The following ITCH variants were observed in gnomAD, a reference collection of about 807,000 sequenced individuals.
ITCH encodes the protein E3 ubiquitin-protein ligase Itchy homolog.
A neutral mutation model predicts 126.8 loss-of-function variants in ITCH; 28 were observed. The ratio of observed to expected loss-of-function variants is 0.22; its 90% CI spans 0.16 to 0.30. ITCH has a LOEUF of 0.30. Ranked by LOEUF, ITCH falls within the 10% of genes least tolerant of loss-of-function variation. The pLI is 1.00. For missense variants in ITCH, 631 were observed against 1,032.4 expected, an observed-to-expected ratio of 0.61 and a Z score of 5.33; for synonymous variants, 342 against 340.0, an observed-to-expected ratio of 1.01 and a Z score of -0.06.
intron 16 of ITCH, among the ~76,000 whole-genome samples, chr20:34,472,503 G>GA (rs1987744882): frequency 6.6e-6 from 1 of 151,910 alleles, no homozygotes; most frequent in Non-Finnish European, 1.5e-5. Context: ...AATAACTAGT[G>GA]AAAAAATGTC....
chr20:34,489,435 T>C (rs149499185), intron 21 of ITCH, 49 bp downstream of exon 21: 2 of 1,553,850 alleles, frequency 1.3e-6, no homozygotes, highest in African/African-American at 2.7e-5. Flanking sequence ...AAATAATGCC[T>C]TAAGTTGTCT....
At chr20:34,465,157 C>T (rs1184562517) in intron 14 of ITCH, among the ~76,000 whole-genome samples, 1 of 152,184 alleles carries the variant, frequency 6.6e-6, no homozygotes, top group Non-Finnish European at 1.5e-5. Flanking sequence ...AAAAGACTGT[C>T]CTTTCCCCAT....
At chr20:34,485,249 T>C (rs1441034931) in intron 20 of ITCH, among the ~76,000 whole-genome samples, 1 of 152,236 alleles carries the variant, frequency 6.6e-6, no homozygotes, top group African/African-American at 2.4e-5. Context: ...GTAAAGCTGC[T>C]ATAAACATTC....
intron 3 of ITCH, among the ~76,000 whole-genome samples, chr20:34,406,458 C>CA (rs1351950537): frequency 2.0e-5 from 3 of 151,870 alleles, no homozygotes; most frequent in Non-Finnish European, 2.9e-5. Context: ...TATGTAAAGT[C>CA]AGAGTTTCAG....
chr20:34,420,122 C>A (rs1601857588), intron 6 of ITCH, among the ~76,000 whole-genome samples: 1 of 152,062 alleles, frequency 6.6e-6, no homozygotes, highest in African/African-American at 2.4e-5. Context: ...ACATAACATA[C>A]AATTAACGGT....
intron 21 of ITCH, 147 bp downstream of exon 21, chr20:34,489,533 A>G: frequency 1.3e-6 from 1 of 797,946 alleles, no homozygotes; most frequent in Non-Finnish European, 2.1e-6. Flanking sequence ...ATGGTTAAAG[A>G]AAATCATAAT....
chr20:34,451,416 C>G (rs1985233516), intron 12 of ITCH, among the ~76,000 whole-genome samples: 1 of 151,870 alleles, frequency 6.6e-6, no homozygotes, highest in Non-Finnish European at 1.5e-5. Flanking sequence ...GTCGAGATCA[C>G]ACTATTGCAC....
chr20:34,438,443 T>A, intron 7 of ITCH, 31 bp from the exon 8 acceptor site: 1 of 1,611,060 alleles, frequency 6.2e-7, no homozygotes, highest in Non-Finnish European at 8.5e-7. Flanking sequence ...TATTTCCCTC[T>A]CCCCCTTCCT....
At chr20:34,393,090 A>G (rs2146072893) in intron 2 of ITCH, among the ~76,000 whole-genome samples, 1 of 152,250 alleles carries the variant, frequency 6.6e-6, no homozygotes, top group East Asian at 1.9e-4. Flanking sequence ...ATGCATGCTA[A>G]CAGTTATGTA....
At chr20:34,466,324 AT>A (rs753409530) in intron 14 of ITCH, 225 of 514,260 alleles carry the variant, frequency 4.4e-4, no homozygotes, top group East Asian at 6.1e-4. Flanking sequence ...TTTTTTGCTG[AT>A]TTTTTTTTAG....
At chr20:34,427,612 A>T (rs142249496) in intron 7 of ITCH, among the ~76,000 whole-genome samples, 1 of 152,178 alleles carries the variant, frequency 6.6e-6, no homozygotes, top group Non-Finnish European at 1.5e-5. Flanking sequence ...CTGTGTCAAA[A>T]AAAAAGAAAA....
At position 34,477,867 on chromosome 20, in the gene ITCH, A is replaced by G. The variant is rs750217868; in HGVS notation, c.1658+7A>G. On this transcript the variant is annotated splice_region_variant and intron_variant, in intron 17 of 24. Transcript: ENST00000374864. The stretch of plus-strand genomic sequence containing the variant: ...ATTATGGAGGTGTAGCAAGGTAGTG[A>G]TAATATGAATACTCAGAACTTAGTT... The G allele has an allele frequency of 6.2e-7, 1 of 1,613,320 alleles. No individual in the cohort carries two copies. The highest frequency in any genetic ancestry group is 1.1e-5 in the South Asian group (1 of 91,040).
chr20:34,446,500 C>T (rs1984488937), intron 11 of ITCH, among the ~76,000 whole-genome samples: 1 of 152,250 alleles, frequency 6.6e-6, no homozygotes, highest in East Asian at 1.9e-4. Flanking sequence ...TTGGTTATGA[C>T]TCAGGTACTT....
intron 3 of ITCH, chr20:34,402,347 T>C: frequency 4.3e-6 from 4 of 922,032 alleles, no homozygotes; most frequent in South Asian, 1.3e-5. Flanking sequence ...AGTTTCTCAA[T>C]AGTAGAGGGG....
intron 3 of ITCH, among the ~76,000 whole-genome samples, chr20:34,403,004 T>C (rs549532190): frequency 6.6e-6 from 1 of 152,308 alleles, no homozygotes; most frequent in South Asian, 2.1e-4. Flanking sequence ...AGATCCCTTA[T>C]ACTTATGTTT....
chr20:34,426,899 C>T (rs1311954568), intron 7 of ITCH, among the ~76,000 whole-genome samples: 2 of 151,942 alleles, frequency 1.3e-5, no homozygotes, highest in Admixed American at 1.3e-4. Flanking sequence ...CTCAGCCTCC[C>T]GAGTAGCTGG....
At chr20:34,480,170 A>G (rs953280166) in intron 18 of ITCH, among the ~76,000 whole-genome samples, 3 of 152,028 alleles carry the variant, frequency 2.0e-5, no homozygotes, top group Non-Finnish European at 4.4e-5. Context: ...AAGTGCTGGG[A>G]TTACAGGTAT....
chr20:34,378,114 CAAGT>C (rs2037915056), intron 2 of ITCH, among the ~76,000 whole-genome samples: 2 of 151,122 alleles, frequency 1.3e-5, no homozygotes, highest in Non-Finnish European at 2.9e-5. Flanking sequence ...GTCTTTTTCG[CAAGT>C]AAGCTGAATA....
intron 2 of ITCH, among the ~76,000 whole-genome samples, chr20:34,379,073 C>T (rs970242935): frequency 2.0e-5 from 3 of 152,136 alleles, no homozygotes; most frequent in Admixed American, 2.0e-4. Flanking sequence ...CAGAACCCTG[C>T]TGCTGCTGTT....
Sources: gnomAD v4.1 joint callset for allele counts (sites outside exome capture counted in the v4.1 genomes callset) on GRCh38, gnomAD v4.1.1 for gene constraint, MANE v1.5 for transcripts, NCBI Gene and HGNC (gene_info 2026-07-23, HGNC 2026-07-21) for gene names.